Variants in HOOK1 observed in about 807,000 individuals in gnomAD.
HOOK1 encodes the protein protein Hook homolog 1.
HOOK1 carries 60 observed loss-of-function variants against 112.8 expected under a neutral mutation model. The observed-to-expected ratio is 0.53, with a 90% CI of 0.43 to 0.66. The LOEUF (loss-of-function observed/expected upper bound fraction) is 0.66, where lower values mean the gene tolerates loss of function less well. HOOK1 is among the 30% of genes least tolerant of loss of function. HOOK1 has a pLI of 0.00. For missense variants in HOOK1, 770 were observed against 856.0 expected, an observed-to-expected ratio of 0.90 and a Z score of 1.25; for synonymous variants, 294 against 283.8, an observed-to-expected ratio of 1.04 and a Z score of -0.36.
At position 59,872,854 on chromosome 1, in the gene HOOK1, C is replaced by T; in HGVS notation, c.2076C>T (p.Cys692=). ...GACTTGTGAGCGGCGGTGGTGCCTG[C>T]AGTGACACTGGTGCGTGCACTCCTG... ...ESRLVSGGGA[C]SDTGACTPAR... is the part of the protein sequence containing the mutation. Residue 692 remains cysteine, a synonymous_variant, in exon 22 of 22, where the codon TGC becomes TGT. Transcript: ENST00000371208. 1 of 1,494,274 alleles carries T rather than the reference C, an allele frequency of 6.7e-7. No individual in the cohort carries two copies. The highest frequency in any genetic ancestry group is 9.0e-7 in the Non-Finnish European group (1 of 1,109,558). 92.6% of individuals were successfully genotyped at this position (1,494,274 alleles called of 1,614,324 possible). A position where few individuals can be genotyped will look rare whatever the true frequency, so the allele number is the denominator to read the frequency against.
chr1:59,868,515 A>G (rs1033365613), intron 20 of HOOK1, among the ~76,000 whole-genome samples, 164 bp downstream of exon 20: 7 of 152,212 alleles, frequency 4.6e-5, no homozygotes, highest in African/African-American at 1.7e-4. Flanking sequence ...GCCGCCCAAT[A>G]GATGCTCTGT....
Position 59,828,847 on chromosome 1 carries a change from A to G in HOOK1, c.217A>G (p.Ile73Val). The G allele has an allele frequency of 1.2e-6, 2 of 1,612,586 alleles. No individual in the cohort carries two copies. The highest frequency in any genetic ancestry group is 1.7e-6 in the Non-Finnish European group (2 of 1,178,914). ...AGAGGATGTTGGGGACAACTGGAGAATAAAGGTATGCAGAACAAATGGGAG... is the reference window on the plus strand; with the variant it reads ...AGAGGATGTTGGGGACAACTGGAGAGTAAAGGTATGCAGAACAAATGGGAG... ...IKEDVGDNWRIKASNVKKVLQ... is the reference protein window; with the variant it reads ...IKEDVGDNWRVKASNVKKVLQ... Residue 73 changes from isoleucine (I) to valine (V), a missense_variant, in exon 3 of 22, where the codon ATA becomes GTA. By Grantham distance (29) the Ile-to-Val change is conservative. This residue lies in a region of HOOK1 where 655 missense variants were observed against 725.9 expected (regional missense o/e 0.90). Coordinates refer to ENST00000371208, the MANE Select transcript of HOOK1 (RefSeq NM_015888.6).
chr1:59,839,459 A>G (rs1318517529), intron 7 of HOOK1, among the ~76,000 whole-genome samples: 2 of 152,172 alleles, frequency 1.3e-5, no homozygotes, highest in East Asian at 1.9e-4. Context: ...CTTAGTAGCA[A>G]TTGTGAATGG....
intron 13 of HOOK1, among the ~76,000 whole-genome samples, chr1:59,858,731 A>G (rs1394095063): frequency 6.7e-6 from 1 of 149,706 alleles, no homozygotes; most frequent in Non-Finnish European, 1.5e-5. Context: ...AGAGAAAAAG[A>G]GAGAAAGAGA....
In HOOK1 at chr1:59,815,002, G is replaced by T. The variant is rs1452038876; in HGVS notation, c.-116G>T. ...GGTTCGCGCGTGAGCTGCGCGGGTC[G>T]GGCCTGGTACCGAGCTTTCCTGGGG... is the stretch of plus-strand genomic sequence containing the variant. On this transcript the variant is annotated 5_prime_UTR_variant, in exon 1 of 22. Transcript: ENST00000371208. 1.9e-6 allele frequency: 2 copies of T among 1,059,522 alleles called. No individual in the cohort carries two copies. Among genetic ancestry groups the T allele is most frequent in the Non-Finnish European group, 2.8e-6 (2 of 723,586 alleles). The allele number at this position is 1,059,522 out of a possible 1,614,324, so 65.6% of individuals were successfully genotyped here.
Position 59,862,848 on chromosome 1 carries a change from G to T in HOOK1, c.1597G>T (p.Glu533Ter), listed in dbSNP as rs750473631. ...QIEDLQKSLQEQGSKSEGESS... is the reference protein window; with the variant it reads ...QIEDLQKSLQ ...TGAGGACCTCCAGAAATCTTTACAG[G>T]AACAAGGTTCCAAGTCTGAAGGCGA... Residue 533 changes from glutamate to a stop codon, truncating the protein, a stop_gained, in exon 16 of 22, where the codon GAA becomes TAA. Coordinates refer to ENST00000371208, the MANE Select transcript of HOOK1 (RefSeq NM_015888.6). LOFTEE classifies it high-confidence loss of function. The T allele has an allele frequency of 6.8e-6, 11 of 1,610,732 alleles. No individual in the cohort carries two copies. The highest frequency in any genetic ancestry group is 6.8e-6 in the Non-Finnish European group (8 of 1,177,118).
rs149436508 is a variant in HOOK1 at position 59,844,736 on chromosome 1, C to T, written c.788+1138C>T. ...ATTTATTTAAATATTTAATTTCACT[C>T]GGCAGTGCTGTATTGTTTCTAGCAT... On this transcript the variant is annotated intron_variant, in intron 9 of 21. Coordinates refer to ENST00000371208, the MANE Select transcript of HOOK1 (RefSeq NM_015888.6). Among the ~76,000 whole-genome samples the T allele has an allele frequency of 1.8e-4, 28 of 151,970 alleles. No homozygotes were observed. In the South Asian group the frequency reaches 4.4e-3, roughly 24 times the overall value.
chr1:59,815,028 G>A lies in HOOK1; in HGVS notation c.-90G>A. The A allele has an allele frequency of 7.5e-7, 1 of 1,329,610 alleles. No individual in the cohort carries two copies. The highest frequency in any genetic ancestry group is 1.3e-5 in the South Asian group (1 of 79,188). 82.4% of individuals were successfully genotyped at this position (1,329,610 alleles called of 1,614,324 possible). A position where few individuals can be genotyped will look rare whatever the true frequency, so the allele number is the denominator to read the frequency against. On this transcript the variant is annotated 5_prime_UTR_variant, in exon 1 of 22. Coordinates refer to ENST00000371208, the MANE Select transcript of HOOK1 (RefSeq NM_015888.6). ...GGCCTGGTACCGAGCTTTCCTGGGG[G>A]CTAGCAGGTCGTGGACGCCGGCTCC...
At chr1:59,860,081 T>C (rs1265952856) in intron 14 of HOOK1, 107 bp from the exon 15 acceptor site, 1 of 731,084 alleles carries the variant, frequency 1.4e-6, no homozygotes, top group Non-Finnish European at 2.1e-6. Context: ...CCTGCTTGCA[T>C]CTTAAAATGG....
intron 10 of HOOK1, 119 bp from the exon 11 acceptor site, chr1:59,848,196 C>G: frequency 1.5e-6 from 1 of 684,048 alleles, no homozygotes; most frequent in South Asian, 2.3e-5. Context: ...CTCACTCACT[C>G]ACATTTACTT....
At chr1:59,828,691 C>T (rs984111036) in intron 2 of HOOK1, 89 bp from the exon 3 acceptor site, 1 of 1,019,064 alleles carries the variant, frequency 9.8e-7, no homozygotes, top group Non-Finnish European at 1.5e-6. Flanking sequence ...GGCTTTAAGA[C>T]ATAAAGTAAC....
intron 1 of HOOK1, among the ~76,000 whole-genome samples, chr1:59,818,487 C>T (rs1377445372): frequency 6.6e-6 from 1 of 152,036 alleles, no homozygotes; most frequent in African/African-American, 2.4e-5. Flanking sequence ...AAATTCAGGG[C>T]AAAAGGGTAA....
chr1:59,829,950 T>A (rs1056970746), intron 3 of HOOK1, among the ~76,000 whole-genome samples: 1 of 152,100 alleles, frequency 6.6e-6, no homozygotes, highest in South Asian at 2.1e-4. Flanking sequence ...CTTATAAAGT[T>A]TTCTCCTTTG....
intron 1 of HOOK1, among the ~76,000 whole-genome samples, chr1:59,816,108 C>T (rs942063392): frequency 2.0e-5 from 3 of 152,120 alleles, no homozygotes; most frequent in South Asian, 2.1e-4. Context: ...TTAGTTGCGT[C>T]TAGGGGAGTG....
At chr1:59,871,224 G>A (rs1443176256) in intron 21 of HOOK1, 114 bp downstream of exon 21, 1 of 644,552 alleles carries the variant, frequency 1.6e-6, no homozygotes, top group East Asian at 2.8e-5. Context: ...CCAAGACATA[G>A]CATGTTTATG....
chr1:59,829,044 T>C (rs2098391981), intron 3 of HOOK1, among the ~76,000 whole-genome samples, 192 bp downstream of exon 3: 1 of 152,150 alleles, frequency 6.6e-6, no homozygotes, highest in African/African-American at 2.4e-5. Flanking sequence ...ACCAAAAATA[T>C]GCACTTCAGG....
chr1:59,859,818 T>A (rs1170301633), intron 14 of HOOK1, among the ~76,000 whole-genome samples: 1 of 152,082 alleles, frequency 6.6e-6, no homozygotes, highest in Non-Finnish European at 1.5e-5. Flanking sequence ...ATGTGTTTTC[T>A]AAGCATATAC....
At chr1:59,844,334 C>T (rs1456456725) in intron 9 of HOOK1, among the ~76,000 whole-genome samples, 1 of 151,912 alleles carries the variant, frequency 6.6e-6, no homozygotes, top group Admixed American at 6.6e-5. Flanking sequence ...TATTTCAGTG[C>T]ATATTTCCTA....
At chr1:59,855,130 A>C (rs2098409793) in intron 12 of HOOK1, among the ~76,000 whole-genome samples, 4 of 152,214 alleles carry the variant, frequency 2.6e-5, no homozygotes, top group Non-Finnish European at 4.4e-5. Flanking sequence ...TTAAACAAAA[A>C]CAAAAAAACA....
Sources: allele counts gnomAD v4.1 joint callset (sites outside exome capture counted in the v4.1 genomes callset), GRCh38; gene constraint gnomAD v4.1.1; regional missense constraint gnomAD v4.1.1; transcripts MANE v1.5; gene names NCBI Gene and HGNC (gene_info 2026-07-23, HGNC 2026-07-21).